The following MTBP variants were observed in gnomAD, a reference collection of about 807,000 sequenced individuals.
MTBP encodes the protein mdm2-binding protein.
Under a neutral mutation model 117.0 loss-of-function variants are expected in MTBP, and 101 were observed. That is an observed-to-expected ratio of 0.86 (90% CI 0.73 to 1.02). The LOEUF is 1.02. Among genes scored for constraint, MTBP ranks in the 50% least tolerant of loss-of-function variants. The pLI is 0.00. For missense variants in MTBP, 970 were observed against 1,030.9 expected (o/e 0.94, Z 0.81); for synonymous variants, 350 against 351.5 (o/e 1.00, Z 0.05).
At chr8:120,480,248 AC>A (rs1444516606) in intron 11 of MTBP, among the ~76,000 whole-genome samples, 2 of 147,572 alleles carry the variant, frequency 1.4e-5, no homozygotes, top group African/African-American at 4.9e-5. Flanking sequence ...AAAAAAAAAA[AC>A]AAAAACAAAA....
Position 120,521,419 on chromosome 8 carries a change from G to A in MTBP, c.2611-1235G>A, listed in dbSNP as rs548032496. Among the ~76,000 whole-genome samples the A allele has an allele frequency of 5.8e-4, 89 of 152,268 alleles. 1 individual carries two copies. The highest frequency in any genetic ancestry group is 1.7e-3 in the South Asian group (8 of 4,826). On this transcript the variant is annotated intron_variant, in intron 20 of 21. Transcript: ENST00000305949. ...TACAATCAAAAATTGTGGTACAACT[G>A]TTCTTCAAAGGAAGAGAAGGAAGGT...
At chr8:120,467,463 A>C (rs1339853257) in intron 10 of MTBP, among the ~76,000 whole-genome samples, 1 of 152,162 alleles carries the variant, frequency 6.6e-6, no homozygotes, top group Non-Finnish European at 1.5e-5. Flanking sequence ...AAAACAATAG[A>C]AAATATTATC....
At chr8:120,454,753 T>C (rs1813432828) in intron 5 of MTBP, among the ~76,000 whole-genome samples, 1 of 152,106 alleles carries the variant, frequency 6.6e-6, no homozygotes, top group African/African-American at 2.4e-5. Flanking sequence ...ATGAAATGTG[T>C]TGAGGTCAAA....
intron 9 of MTBP, among the ~76,000 whole-genome samples, chr8:120,463,116 A>G (rs1021246773): frequency 6.6e-6 from 1 of 151,996 alleles, no homozygotes; most frequent in Non-Finnish European, 1.5e-5. Flanking sequence ...GAGAGGAGGG[A>G]GAAATGTTAG....
chr8:120,486,563 G>A (rs192005646), intron 11 of MTBP, among the ~76,000 whole-genome samples: 2 of 152,230 alleles, frequency 1.3e-5, no homozygotes, highest in East Asian at 1.9e-4. Flanking sequence ...CATCATATGC[G>A]TCAGGAATTT....
chr8:120,455,258 G>A (rs1022360674), intron 5 of MTBP, among the ~76,000 whole-genome samples, 177 bp from the exon 6 acceptor site: 1 of 151,910 alleles, frequency 6.6e-6, no homozygotes, highest in Admixed American at 6.5e-5. Context: ...ATTCCTAAGG[G>A]CGTATATTGT....
At chr8:120,461,069 G>C (rs1813572814) in intron 8 of MTBP, 92 bp from the exon 9 acceptor site, 1 of 915,118 alleles carries the variant, frequency 1.1e-6, no homozygotes, top group Non-Finnish European at 1.7e-6. Context: ...TGCTTTTTAA[G>C]ATCCATTTTA....
intron 14 of MTBP, among the ~76,000 whole-genome samples, chr8:120,499,891 G>A (rs1256175109): frequency 6.6e-6 from 1 of 152,138 alleles, no homozygotes; most frequent in Admixed American, 6.5e-5. Context: ...TCAACACACT[G>A]CATAAGTAAG....
chr8:120,463,526 A>C (rs1216862323), intron 9 of MTBP, among the ~76,000 whole-genome samples, 166 bp from the exon 10 acceptor site: 1 of 152,184 alleles, frequency 6.6e-6, no homozygotes, highest in Admixed American at 6.5e-5. Context: ...AAATAATTGG[A>C]AAAATACTTA....
intron 12 of MTBP, among the ~76,000 whole-genome samples, chr8:120,489,088 G>T (rs1203794455): frequency 7.2e-6 from 1 of 139,006 alleles, no homozygotes; most frequent in African/African-American, 2.5e-5. Flanking sequence ...CACCAGGCTA[G>T]AGTGCAGTGG....
chr8:120,511,032 A>T (rs1220868712), intron 17 of MTBP, among the ~76,000 whole-genome samples: 1 of 152,198 alleles, frequency 6.6e-6, no homozygotes, highest in African/African-American at 2.4e-5. Context: ...CTAAATGGTA[A>T]GATAAGATTT....
chr8:120,474,045 G>C (rs1037243690), intron 11 of MTBP: 1 of 151,840 alleles, frequency 6.6e-6, no homozygotes. Context: ...CTTAACTTAG[G>C]CGTGGGGGTT....
Position 120,523,392 on chromosome 8 carries a change from C to A in MTBP, c.*56C>A. On this transcript the variant is annotated 3_prime_UTR_variant, in exon 22 of 22. Coordinates refer to ENST00000305949, the MANE Select transcript of MTBP (RefSeq NM_022045.5). ...AATTGGATGGAGCTATTATTCACTA[C>A]TTCTTTTCTTAGTTTGAAAATTATA... 9.4e-7 allele frequency: 1 copy of A among 1,064,496 alleles called. No homozygotes were observed. 65.9% of individuals were successfully genotyped at this position (1,064,496 alleles called of 1,614,324 possible).
chr8:120,500,127 C>G (rs972984645), intron 14 of MTBP, among the ~76,000 whole-genome samples: 12 of 152,020 alleles, frequency 7.9e-5, no homozygotes, highest in African/African-American at 2.7e-4. Flanking sequence ...TCAGTTTTCC[C>G]TATTTCCCTG....
intron 8 of MTBP, 44 bp from the exon 9 acceptor site, chr8:120,461,117 G>T: frequency 1.5e-6 from 2 of 1,373,036 alleles, no homozygotes; most frequent in South Asian, 2.4e-5. Flanking sequence ...GTTTACTTTT[G>T]TTTATGGTAT....
chr8:120,491,750 T>C (rs1055853335), intron 13 of MTBP, among the ~76,000 whole-genome samples: 1 of 152,208 alleles, frequency 6.6e-6, no homozygotes, highest in East Asian at 1.9e-4. Flanking sequence ...CTCAGTTCCT[T>C]CAACATCTCC....
At chr8:120,509,579 A>G (rs1272979970) in intron 16 of MTBP, among the ~76,000 whole-genome samples, 1 of 152,114 alleles carries the variant, frequency 6.6e-6, no homozygotes, top group Non-Finnish European at 1.5e-5. Flanking sequence ...CCCAGCCTGG[A>G]CGACAGAGTG....
Position 120,506,796 on chromosome 8 carries a change from G to A in MTBP, c.1818G>A (p.Leu606=). 1 of 1,613,456 alleles carries A rather than the reference G, an allele frequency of 6.2e-7. No homozygotes were observed. Among genetic ancestry groups the A allele is most frequent in the Non-Finnish European group, 8.5e-7 (1 of 1,179,532 alleles). ...DSITLLDAKE[L]LKYFTSDGLP... is the part of the protein sequence containing the mutation. ...TCACATTGTTGGATGCTAAAGAATT[G>A]CTGAAGTACTTTACCTCAGATGGAT... Residue 606 remains leucine, a synonymous_variant, in exon 16 of 22, where the codon TTG becomes TTA. Transcript: ENST00000305949.
intron 4 of MTBP, chr8:120,451,562 C>G (rs763936733): frequency 2.6e-6 from 1 of 390,178 alleles, no homozygotes; most frequent in Non-Finnish European, 4.6e-6. Flanking sequence ...ATGTTCCTTT[C>G]TTGAAGATAA....
Sources: gnomAD v4.1 joint callset for allele counts (sites outside exome capture counted in the v4.1 genomes callset) on GRCh38, gnomAD v4.1.1 for gene constraint, MANE v1.5 for transcripts, NCBI Gene and HGNC (gene_info 2026-07-23, HGNC 2026-07-21) for gene names.